The following XKR9 variants were observed in gnomAD, a reference collection of about 807,000 sequenced individuals.
XKR9 encodes the protein XK-related protein 9.
Under a neutral mutation model 32.0 loss-of-function variants are expected in XKR9, and 32 were observed. That is an observed-to-expected ratio of 1.00 (90% CI 0.76 to 1.34). The LOEUF (loss-of-function observed/expected upper bound fraction) is 1.34, where lower values mean the gene tolerates loss of function less well. XKR9 is among the 40% of genes most tolerant of loss of function. The probability of loss-of-function intolerance (pLI) is 0.00; values close to 1 mark genes in which losing one functional copy is unlikely to be tolerated. For synonymous variants in XKR9, 168 were observed against 143.4 expected (o/e 1.17, Z -1.22); for missense variants, 546 against 429.7 (o/e 1.27, Z -2.39).
chr8:71,044,588 A>G, the XKR9 span, among the ~76,000 whole-genome samples: 1 of 152,242 alleles, frequency 6.6e-6, no homozygotes, highest in African/African-American at 2.4e-5. Context: ...AAAATCTTGT[A>G]ACATTGCAAA....
At chr8:70,882,212 T>A in the XKR9 span, among the ~76,000 whole-genome samples, 1 of 152,178 alleles carries the variant, frequency 6.6e-6, no homozygotes, top group Non-Finnish European at 1.5e-5. Flanking sequence ...TATACCTATG[T>A]ATCAAACTTG....
At chr8:70,796,423 A>G in the XKR9 span, among the ~76,000 whole-genome samples, 1 of 151,962 alleles carries the variant, frequency 6.6e-6, no homozygotes, top group Non-Finnish European at 1.5e-5. Flanking sequence ...CAGCAGTAAC[A>G]TTTCCTTTTT....
At chr8:70,920,963 G>GC in the XKR9 span, among the ~76,000 whole-genome samples, 1 of 152,052 alleles carries the variant, frequency 6.6e-6, no homozygotes, top group African/African-American at 2.4e-5. Flanking sequence ...ACATCACCTC[G>GC]CAGAGTTCTC....
intron 3 of XKR9, among the ~76,000 whole-genome samples, chr8:70,696,969 A>T (rs1214244452): frequency 6.6e-6 from 1 of 151,142 alleles, no homozygotes; most frequent in East Asian, 1.9e-4. Context: ...TTCACTCATG[A>T]TTTGGCTCTC....
chr8:70,817,810 A>C, the XKR9 span, among the ~76,000 whole-genome samples: 1 of 152,212 alleles, frequency 6.6e-6, no homozygotes, highest in Non-Finnish European at 1.5e-5. Context: ...ATAAAGCTGT[A>C]CACCTACAAC....
At chr8:71,023,771 C>T in the XKR9 span, among the ~76,000 whole-genome samples, 26 of 152,094 alleles carry the variant, frequency 1.7e-4, no homozygotes, top group African/African-American at 6.0e-4. Flanking sequence ...ATGGACCACT[C>T]CCAAGCCCCC....
intron 2 of XKR9, among the ~76,000 whole-genome samples, chr8:70,762,136 C>T (rs1029220767): frequency 6.6e-6 from 1 of 151,998 alleles, no homozygotes; most frequent in Non-Finnish European, 1.5e-5. Flanking sequence ...TAGTGTGATG[C>T]CTTCAGCTTT....
chr8:70,899,935 T>C, the XKR9 span, among the ~76,000 whole-genome samples: 3 of 152,180 alleles, frequency 2.0e-5, no homozygotes, highest in Non-Finnish European at 4.4e-5. Flanking sequence ...AGTGCATTTC[T>C]AGCTACAGAA....
At chr8:70,807,385 G>A in the XKR9 span, among the ~76,000 whole-genome samples, 1 of 152,154 alleles carries the variant, frequency 6.6e-6, no homozygotes, top group Admixed American at 6.5e-5. Context: ...CCAGCATCAT[G>A]ATGATGGGAT....
At chr8:71,058,382 C>CT in the XKR9 span, among the ~76,000 whole-genome samples, 2 of 152,258 alleles carry the variant, frequency 1.3e-5, no homozygotes, top group Non-Finnish European at 2.9e-5. Flanking sequence ...GTCACTACCT[C>CT]TGTTTGACTT....
the XKR9 span, among the ~76,000 whole-genome samples, chr8:70,966,925 G>A: frequency 6.6e-6 from 1 of 152,036 alleles, no homozygotes; most frequent in Non-Finnish European, 1.5e-5. Context: ...TGTTTTGTCA[G>A]AAACTAGGGT....
At chr8:71,050,262 GATAGATAGATAGAT>G in the XKR9 span, among the ~76,000 whole-genome samples, 3 of 79,810 alleles carry the variant, frequency 3.8e-5, no homozygotes, top group African/African-American at 1.5e-4. Flanking sequence ...TATATATATA[GATAGATAGATAGAT>G]ATAGATATAG....
the XKR9 span, among the ~76,000 whole-genome samples, chr8:70,812,629 G>T: frequency 6.6e-6 from 1 of 152,118 alleles, no homozygotes; most frequent in East Asian, 1.9e-4. Context: ...AAAATTACAA[G>T]CATTCTTATA....
intron 2 of XKR9, among the ~76,000 whole-genome samples, chr8:70,676,901 G>A (rs1338643652): frequency 6.6e-6 from 1 of 152,008 alleles, no homozygotes; most frequent in East Asian, 1.9e-4. Context: ...TATTACTCTT[G>A]CCAGGTAAAG....
the XKR9 span, among the ~76,000 whole-genome samples, chr8:70,901,062 T>C: frequency 6.6e-6 from 1 of 152,240 alleles, no homozygotes; most frequent in East Asian, 1.9e-4. Flanking sequence ...CTATCATTGA[T>C]GGACCTTTGC....
downstream of XKR9, among the ~76,000 whole-genome samples, chr8:70,792,359 T>G (rs1586900641): frequency 6.6e-6 from 1 of 152,104 alleles, no homozygotes; most frequent in Non-Finnish European, 1.5e-5. Context: ...TCCTCAGGCG[T>G]GAGTTGCCTC....
chr8:70,994,075 C>G, the XKR9 span, among the ~76,000 whole-genome samples: 1 of 152,242 alleles, frequency 6.6e-6, no homozygotes, highest in Non-Finnish European at 1.5e-5. Context: ...GTTAGACCTC[C>G]CAGCTTCTAG....
At chr8:71,027,783 G>C in the XKR9 span, among the ~76,000 whole-genome samples, 2 of 49,974 alleles carry the variant, frequency 4.0e-5, no homozygotes, top group African/African-American at 1.2e-4. Flanking sequence ...TTTTGGCGGG[G>C]GGGGGGGGTC....
chr8:70,813,381 G>A, the XKR9 span, among the ~76,000 whole-genome samples: 11 of 152,148 alleles, frequency 7.2e-5, no homozygotes, highest in African/African-American at 1.2e-4. Context: ...ATAGGCATGC[G>A]CAAGGTCTTC....
Sources: allele counts gnomAD v4.1 joint callset (sites outside exome capture counted in the v4.1 genomes callset), GRCh38; gene constraint gnomAD v4.1.1; transcripts MANE v1.5; gene names NCBI Gene and HGNC (gene_info 2026-07-23, HGNC 2026-07-21).